RAI14: variants seen among roughly 807,000 people sequenced by gnomAD.
RAI14 encodes ankycorbin.
In RAI14, 45 loss-of-function variants were observed where a neutral mutation model predicts 115.4. That is an observed-to-expected ratio of 0.39 (90% CI 0.31 to 0.50). The LOEUF (loss-of-function observed/expected upper bound fraction) is 0.50. Ranked by LOEUF, RAI14 falls within the 20% of genes least tolerant of loss-of-function variation. The probability of loss-of-function intolerance (pLI) is 0.85; values close to 1 mark genes in which losing one functional copy is unlikely to be tolerated. For missense variants in RAI14, 939 were observed against 1,131.2 expected (o/e 0.83, Z 2.44); for synonymous variants, 371 against 415.4 (o/e 0.89, Z 1.30).
rs1438281912 is a variant in RAI14 at position 34,831,814 on chromosome 5, A to G, written c.*1049A>G. 4 of 152,190 alleles carry G rather than the reference A, an allele frequency of 2.6e-5. No homozygotes were observed. The highest frequency in any genetic ancestry group is 9.6e-5 in the African/African-American group (4 of 41,454). 9.4% of individuals were successfully genotyped at this position (152,190 alleles called of 1,614,324 possible). A position where few individuals can be genotyped will look rare whatever the true frequency, so the allele number is the denominator to read the frequency against. ...AATATGAGCTGCCACCAACACCCCTAGAACTTTCAGCCATGGTGTCTTCAG... is the reference window on the plus strand; with the variant it reads ...AATATGAGCTGCCACCAACACCCCTGGAACTTTCAGCCATGGTGTCTTCAG... On this transcript the variant is annotated 3_prime_UTR_variant, in exon 18 of 18. Transcript: ENST00000265109.
At position 34,824,014 on chromosome 5, in the gene RAI14, A is replaced by G. The variant is rs1326682826; in HGVS notation, c.2172A>G (p.Lys724=). 4 of 1,613,988 alleles carry G rather than the reference A, an allele frequency of 2.5e-6. No individual in the cohort carries two copies. Among genetic ancestry groups the G allele is most frequent in the African/African-American group, 2.7e-5 (2 of 74,954 alleles). ...TQLKQLVDAQ[K]ENSVSITEHL... is the part of the protein sequence containing the mutation. ...TCAAACAACTGGTGGATGCACAAAAAGAGAACTCTGTCTCTATCACAGAAC... is the reference window on the plus strand; with the variant it reads ...TCAAACAACTGGTGGATGCACAAAAGGAGAACTCTGTCTCTATCACAGAAC... Residue 724 remains lysine, a synonymous_variant, in exon 15 of 18, where the codon AAA becomes AAG. Coordinates refer to ENST00000265109, the MANE Select transcript of RAI14 (RefSeq NM_015577.3).
intron 1 of RAI14, among the ~76,000 whole-genome samples, chr5:34,684,140 C>T (rs777316610): frequency 1.1e-4 from 17 of 152,162 alleles, no homozygotes; most frequent in Non-Finnish European, 2.4e-4. Flanking sequence ...TTTGATTCCT[C>T]AAAAGGTGAT....
At chr5:34,708,120 A>G (rs1229297843) in intron 2 of RAI14, among the ~76,000 whole-genome samples, 1 of 152,100 alleles carries the variant, frequency 6.6e-6, no homozygotes, top group Non-Finnish European at 1.5e-5. Context: ...CCTGAGTGTT[A>G]TCTAAATATA....
Position 34,799,685 on chromosome 5 carries a change from A to ATTTTTTTTTTTTTTTTT in RAI14, c.256+3664_256+3680dup, listed in dbSNP as rs57115550. ...GTTATAGAAGCAAGAATCTGTTAGC[A>ATTTTTTTTTTTTTTTTT]TTTTTTTTTTTTTTTTTTTTTTGAC... On this transcript the variant is annotated intron_variant, in intron 4 of 17. Coordinates refer to ENST00000265109, the MANE Select transcript of RAI14 (RefSeq NM_015577.3). Among the ~76,000 whole-genome samples, 43 of 103,394 alleles carry ATTTTTTTTTTTTTTTTT rather than the reference A, an allele frequency of 4.2e-4. 3 individuals carry two copies. Among genetic ancestry groups the ATTTTTTTTTTTTTTTTT allele is most frequent in the African/African-American group, 1.7e-3 (43 of 25,382 alleles). The allele number at this position is 103,394 out of a possible 152,430, so 67.8% of individuals were successfully genotyped here. A position where few individuals can be genotyped will look rare whatever the true frequency, so the allele number is the denominator to read the frequency against.
At chr5:34,736,006 T>C (rs1375756772) in intron 2 of RAI14, among the ~76,000 whole-genome samples, 1 of 152,262 alleles carries the variant, frequency 6.6e-6, no homozygotes, top group Admixed American at 6.5e-5. Context: ...GCACATACTA[T>C]GGTTTTTATG....
In RAI14 at chr5:34,735,715, A is replaced by G. The variant is rs187798240; in HGVS notation, c.37-21753A>G. 2.6e-5 allele frequency among the ~76,000 whole-genome samples: 4 copies of G among 152,374 alleles called. No homozygotes were observed. In the East Asian group the frequency reaches 7.7e-4, roughly 29 times the overall value. On this transcript the variant is annotated intron_variant, in intron 2 of 17. Transcript: ENST00000265109. ...ATGGTCTATTTTGTAATTTGTTGGA[A>G]TCATTGAAGTGCTTCAGGGAAATTA... is the stretch of plus-strand genomic sequence containing the variant.
chr5:34,711,966 G>T (rs1741452998), intron 2 of RAI14, among the ~76,000 whole-genome samples: 1 of 151,964 alleles, frequency 6.6e-6, no homozygotes, highest in South Asian at 2.1e-4. Context: ...AGGAATTGAT[G>T]GTTAGCATGC....
intron 2 of RAI14, among the ~76,000 whole-genome samples, chr5:34,697,600 C>G (rs1297738204): frequency 6.6e-6 from 1 of 152,122 alleles, no homozygotes; most frequent in Non-Finnish European, 1.5e-5. Flanking sequence ...TTTAAGTACA[C>G]CATTTTACCG....
chr5:34,734,998 A>G (rs1744685803), intron 2 of RAI14, among the ~76,000 whole-genome samples: 1 of 152,172 alleles, frequency 6.6e-6, no homozygotes, highest in African/African-American at 2.4e-5. Flanking sequence ...CTACACAGAC[A>G]TGAAGGTTGA....
intron 2 of RAI14, among the ~76,000 whole-genome samples, chr5:34,710,895 A>G (rs1741309194): frequency 6.6e-6 from 1 of 152,176 alleles, no homozygotes; most frequent in African/African-American, 2.4e-5. Context: ...CTCCTTTCTT[A>G]GTAAAAGAAC....
At chr5:34,774,602 A>G (rs919419780) in intron 3 of RAI14, among the ~76,000 whole-genome samples, 5 of 152,194 alleles carry the variant, frequency 3.3e-5, no homozygotes, top group Non-Finnish European at 1.5e-5. Flanking sequence ...CATTGATTAA[A>G]GAAATTGAAG....
chr5:34,698,659 G>A (rs1221510399), intron 2 of RAI14, among the ~76,000 whole-genome samples: 2 of 152,142 alleles, frequency 1.3e-5, no homozygotes, highest in Non-Finnish European at 2.9e-5. Flanking sequence ...AGACTCTAAT[G>A]GAGAAGGATA....
intron 1 of RAI14, among the ~76,000 whole-genome samples, chr5:34,671,923 A>G (rs1433644946): frequency 6.6e-5 from 10 of 152,286 alleles, no homozygotes; most frequent in Admixed American, 6.5e-4. Flanking sequence ...GACATATTAT[A>G]GGTCCTGTAA....
At position 34,816,118 on chromosome 5, in the gene RAI14, G is replaced by A. The variant is rs139097014; in HGVS notation, c.939+1449G>A. 3.0e-3 allele frequency among the ~76,000 whole-genome samples: 453 copies of A among 152,158 alleles called. 4 individuals are homozygous for A. Among genetic ancestry groups the A allele is most frequent in the African/African-American group, 0.01 (430 of 41,512 alleles). On this transcript the variant is annotated intron_variant, in intron 12 of 17. Coordinates refer to ENST00000265109, the MANE Select transcript of RAI14 (RefSeq NM_015577.3). The stretch of plus-strand genomic sequence containing the variant: ...AAAGGCCATTATTCGAAAAACTGGC[G>A]CAATTTGAATAAAGTTGTAATTTAG...
intron 2 of RAI14, among the ~76,000 whole-genome samples, chr5:34,721,322 T>TATATAG (rs1554045941): frequency 1.4e-5 from 2 of 143,942 alleles, no homozygotes; most frequent in South Asian, 2.2e-4. Context: ...TATATATATA[T>TATATAG]ATAGATGTGT....
At chr5:34,675,532 C>T (rs942527995) in intron 1 of RAI14, among the ~76,000 whole-genome samples, 12 of 152,136 alleles carry the variant, frequency 7.9e-5, no homozygotes, top group African/African-American at 2.9e-4. Context: ...GCCGGAGGAA[C>T]GTTTGAGGCC....
chr5:34,709,557 C>T (rs1741142015), intron 2 of RAI14, among the ~76,000 whole-genome samples: 1 of 152,200 alleles, frequency 6.6e-6, no homozygotes, highest in African/African-American at 2.4e-5. Flanking sequence ...TTTGGAGGGT[C>T]TGCCCCTCTC....
chr5:34,669,101 C>T (rs1743438405), intron 1 of RAI14, among the ~76,000 whole-genome samples: 1 of 152,140 alleles, frequency 6.6e-6, no homozygotes, highest in Non-Finnish European at 1.5e-5. Flanking sequence ...GTGATCCTCC[C>T]GCCTTGGCCT....
chr5:34,828,554 A>G (rs1464408318), intron 16 of RAI14, among the ~76,000 whole-genome samples: 2 of 130,668 alleles, frequency 1.5e-5, no homozygotes, highest in Non-Finnish European at 3.4e-5. Context: ...ATGTCCCTTA[A>G]TAACAGGAAA....
Sources: gnomAD v4.1 joint callset for allele counts (sites outside exome capture counted in the v4.1 genomes callset) on GRCh38, gnomAD v4.1.1 for gene constraint, MANE v1.5 for transcripts, NCBI Gene and HGNC (gene_info 2026-07-23, HGNC 2026-07-21) for gene names.